The following MIPOL1 variants were observed in gnomAD, a reference collection of about 807,000 sequenced individuals.
The protein encoded by MIPOL1 is mirror-image polydactyly 1.
In MIPOL1, 57 loss-of-function variants were observed where a neutral mutation model predicts 60.9. That is an observed-to-expected ratio of 0.94 (90% CI 0.76 to 1.17). The LOEUF (loss-of-function observed/expected upper bound fraction) is 1.17, where lower values mean the gene tolerates loss of function less well. MIPOL1 is among the 50% of genes most tolerant of loss of function. MIPOL1 has a pLI of 0.00. For synonymous variants in MIPOL1, 179 were observed against 168.8 expected (o/e 1.06, Z -0.47); for missense variants, 551 against 511.6 (o/e 1.08, Z -0.74).
At chr14:37,297,530 T>C (rs1217984178) in intron 7 of MIPOL1, among the ~76,000 whole-genome samples, 1 of 152,196 alleles carries the variant, frequency 6.6e-6, no homozygotes, top group African/African-American at 2.4e-5. Flanking sequence ...TGTTTGCAGA[T>C]GACATGATTG....
At chr14:37,446,989 G>A (rs974935041) in intron 11 of MIPOL1, among the ~76,000 whole-genome samples, 2 of 151,878 alleles carry the variant, frequency 1.3e-5, no homozygotes, top group African/African-American at 4.8e-5. Context: ...ACGAGTTAAT[G>A]GGTGCAGCAC....
intron 1 of MIPOL1, among the ~76,000 whole-genome samples, chr14:37,205,782 T>C (rs1036995199): frequency 3.3e-5 from 5 of 152,160 alleles, no homozygotes; most frequent in Non-Finnish European, 5.9e-5. Flanking sequence ...TCCATGTCCC[T>C]GCAAAGGACA....
In MIPOL1 at chr14:37,409,924, G is replaced by A. The variant is rs575564322; in HGVS notation, c.937-12931G>A. 1.1e-4 allele frequency among the ~76,000 whole-genome samples: 16 copies of A among 152,250 alleles called. No homozygotes were observed. In the South Asian group the frequency reaches 2.9e-3, roughly 28 times the overall value. On this transcript the variant is annotated intron_variant, in intron 10 of 12. Coordinates refer to ENST00000684589, the MANE Select transcript of MIPOL1 (RefSeq NM_001388067.1). ...GAGATGGTTCAACAAGCATTTAATT[G>A]GGCTCCGAAAAGGAGAGAATACAGG...
At chr14:37,341,910 T>G (rs998671020) in intron 9 of MIPOL1, among the ~76,000 whole-genome samples, 1 of 152,228 alleles carries the variant, frequency 6.6e-6, no homozygotes, top group Non-Finnish European at 1.5e-5. Context: ...AGAGGAGTTA[T>G]TTATTATTCT....
intron 12 of MIPOL1, among the ~76,000 whole-genome samples, chr14:37,534,503 T>G (rs79009980): frequency 0.015 from 2,287 of 152,290 alleles, 57 homozygotes; most frequent in African/African-American, 0.052. Flanking sequence ...GTGTGATATT[T>G]ATTCATAAGC....
intron 10 of MIPOL1, among the ~76,000 whole-genome samples, chr14:37,370,626 G>C (rs1200961461): frequency 6.6e-6 from 1 of 152,064 alleles, no homozygotes; most frequent in Non-Finnish European, 1.5e-5. Flanking sequence ...TGTCTAAGAA[G>C]TACGAGATTT....
intron 1 of MIPOL1, among the ~76,000 whole-genome samples, chr14:37,238,413 A>G (rs927657794): frequency 2.0e-5 from 3 of 152,082 alleles, no homozygotes; most frequent in Admixed American, 6.5e-5. Context: ...GATAATACTT[A>G]TTAGTGAAAC....
chr14:37,547,094 C>T lies in MIPOL1; in HGVS notation c.*123C>T. 1.4e-6 allele frequency: 1 copy of T among 724,960 alleles called. No homozygotes were observed. Among genetic ancestry groups the T allele is most frequent in the South Asian group, 1.9e-5 (1 of 53,352 alleles). 44.9% of individuals were successfully genotyped at this position (724,960 alleles called of 1,614,324 possible). A position where few individuals can be genotyped will look rare whatever the true frequency, so the allele number is the denominator to read the frequency against. On this transcript the variant is annotated 3_prime_UTR_variant, in exon 13 of 13. Coordinates refer to ENST00000684589, the MANE Select transcript of MIPOL1 (RefSeq NM_001388067.1). ...GTTGTTAGAAGTGGGACACTCCAAC[C>T]ACATTCCAAGCTGAGATAAAATCAA...
intron 10 of MIPOL1, among the ~76,000 whole-genome samples, chr14:37,384,520 T>TA (rs1311471038): frequency 1.3e-5 from 2 of 151,738 alleles, no homozygotes; most frequent in African/African-American, 2.4e-5. Context: ...ACCAGTTTTT[T>TA]AAAAAAAATT....
chr14:37,474,292 A>G (rs2094733368), intron 11 of MIPOL1, among the ~76,000 whole-genome samples: 1 of 152,116 alleles, frequency 6.6e-6, no homozygotes, highest in Non-Finnish European at 1.5e-5. Context: ...CATGATTGCT[A>G]GATCATATGG....
chr14:37,323,683 A>C (rs2088851685), intron 9 of MIPOL1, among the ~76,000 whole-genome samples: 1 of 152,074 alleles, frequency 6.6e-6, no homozygotes, highest in South Asian at 2.1e-4. Context: ...TGACAAATTC[A>C]TACACCCATG....
intron 7 of MIPOL1, among the ~76,000 whole-genome samples, chr14:37,287,484 C>T (rs2084670776): frequency 6.6e-6 from 1 of 151,916 alleles, no homozygotes. Flanking sequence ...AAACTCTGGG[C>T]CTCATGTGAT....
At chr14:37,279,632 T>C (rs2083940444) in intron 6 of MIPOL1, among the ~76,000 whole-genome samples, 1 of 152,096 alleles carries the variant, frequency 6.6e-6, no homozygotes, top group African/African-American at 2.4e-5. Flanking sequence ...TTATTTTTAA[T>C]TGACAAATAA....
At position 37,429,465 on chromosome 14, in the gene MIPOL1, C is replaced by T. The variant is rs113403023; in HGVS notation, c.1031+6516C>T. Among the ~76,000 whole-genome samples the T allele has an allele frequency of 2.1e-3, 326 of 152,130 alleles. 2 individuals carry two copies. The highest frequency in any genetic ancestry group is 7.3e-3 in the African/African-American group (304 of 41,530). ...GCCATTCAGAATATGGTAAAGTTGA[C>T]ATTTTAGAACAAAAATGTTGAAGAG... On this transcript the variant is annotated intron_variant, in intron 11 of 12. Coordinates refer to ENST00000684589, the MANE Select transcript of MIPOL1 (RefSeq NM_001388067.1).
At chr14:37,428,957 G>T (rs1245261252) in intron 11 of MIPOL1, among the ~76,000 whole-genome samples, 2 of 151,936 alleles carry the variant, frequency 1.3e-5, no homozygotes, top group Non-Finnish European at 2.9e-5. Flanking sequence ...TAGCAGGAGA[G>T]GACTAACAAT....
chr14:37,500,264 C>A, intron 12 of MIPOL1, 126 bp downstream of exon 12: 2 of 741,278 alleles, frequency 2.7e-6, no homozygotes, highest in Non-Finnish European at 4.3e-6. Flanking sequence ...TAGAATTAAC[C>A]CAGTGAACTT....
chr14:37,293,417 T>A (rs1204609280), intron 7 of MIPOL1, among the ~76,000 whole-genome samples: 1 of 152,078 alleles, frequency 6.6e-6, no homozygotes, highest in Admixed American at 6.6e-5. Context: ...CATTTCCAAC[T>A]GAGGTACCAG....
intron 11 of MIPOL1, among the ~76,000 whole-genome samples, chr14:37,459,670 G>A (rs73267973): frequency 0.023 from 3,540 of 152,232 alleles, 150 homozygotes; most frequent in African/African-American, 0.081. Flanking sequence ...CCCGTTCTAT[G>A]AAACCATCAT....
At chr14:37,476,147 C>G (rs568814831) in intron 11 of MIPOL1, among the ~76,000 whole-genome samples, 1 of 152,240 alleles carries the variant, frequency 6.6e-6, no homozygotes, top group South Asian at 2.1e-4. Context: ...CTAAGTATTT[C>G]TCTTTTCGGC....
Sources: allele counts gnomAD v4.1 joint callset (sites outside exome capture counted in the v4.1 genomes callset), GRCh38; gene constraint gnomAD v4.1.1; transcripts MANE v1.5; gene names NCBI Gene and HGNC (gene_info 2026-07-23, HGNC 2026-07-21).